Variants in DLGAP2 observed in about 807,000 individuals in gnomAD.
DLGAP2 encodes DLG associated protein 2.
A neutral mutation model predicts 100.3 loss-of-function variants in DLGAP2; 26 were observed. That is an observed-to-expected ratio of 0.26 (90% CI 0.19 to 0.36). DLGAP2 has a LOEUF of 0.36. Ranked by LOEUF, DLGAP2 falls within the 10% of genes least tolerant of loss-of-function variation. DLGAP2 has a pLI of 1.00. For synonymous variants in DLGAP2, 886 were observed against 630.1 expected (o/e 1.41, Z -6.08); for missense variants, 1,858 against 1,453.2 (o/e 1.28, Z -4.53).
intron 2 of DLGAP2, among the ~76,000 whole-genome samples, chr8:1,018,102 C>T (rs984518261): frequency 6.6e-6 from 1 of 150,900 alleles, no homozygotes; most frequent in African/African-American, 2.4e-5. Context: ...CCAAGACTCT[C>T]ACATGACCCC....
At chr8:1,578,200 A>G (rs998432995) in intron 6 of DLGAP2, among the ~76,000 whole-genome samples, 1 of 152,236 alleles carries the variant, frequency 6.6e-6, no homozygotes, top group Admixed American at 6.5e-5. Context: ...TAAAAATGAT[A>G]ATGAATGTTT....
At chr8:1,302,635 C>G (rs573078268) in intron 3 of DLGAP2, 3 of 152,442 alleles carry the variant, frequency 2.0e-5, no homozygotes, top group African/African-American at 7.2e-5. Flanking sequence ...TGCTCCATAC[C>G]CGGGACTGGA....
chr8:1,083,991 C>T (rs576934620), intron 2 of DLGAP2, among the ~76,000 whole-genome samples: 1 of 152,248 alleles, frequency 6.6e-6, no homozygotes, highest in African/African-American at 2.4e-5. Flanking sequence ...AGATAGGACC[C>T]TGTGATTGTA....
chr8:1,514,444 T>G (rs79529852), intron 4 of DLGAP2, among the ~76,000 whole-genome samples: 1,536 of 152,344 alleles, frequency 0.01, 24 homozygotes, highest in African/African-American at 0.034. Context: ...TGTATAAAAT[T>G]CAGCTACTGT....
chr8:1,688,977 G>A (rs114483437), intron 12 of DLGAP2, among the ~76,000 whole-genome samples: 35 of 152,250 alleles, frequency 2.3e-4, no homozygotes, highest in East Asian at 5.8e-4. Flanking sequence ...CCCGAAAGTC[G>A]GGCTAAGGAG....
chr8:1,539,362 G>A (rs1051120430), intron 4 of DLGAP2, among the ~76,000 whole-genome samples: 5 of 152,142 alleles, frequency 3.3e-5, no homozygotes, highest in African/African-American at 7.2e-5. Flanking sequence ...TGAGGACTCC[G>A]AAGAGGAAAA....
intron 2 of DLGAP2, among the ~76,000 whole-genome samples, chr8:1,202,680 C>G (rs1797905063): frequency 6.6e-6 from 1 of 152,286 alleles, no homozygotes; most frequent in Admixed American, 6.5e-5. Flanking sequence ...CCAGTCAAGG[C>G]AGCAAGTGGG....
intron 3 of DLGAP2, among the ~76,000 whole-genome samples, chr8:1,491,394 A>G (rs1799382765): frequency 6.6e-6 from 1 of 152,008 alleles, no homozygotes; most frequent in Admixed American, 6.6e-5. Context: ...GCTCCCCCTG[A>G]CCTCGGAGGC....
At chr8:1,108,638 C>T (rs1324563424) in intron 2 of DLGAP2, among the ~76,000 whole-genome samples, 15 of 120,438 alleles carry the variant, frequency 1.2e-4, no homozygotes, top group Non-Finnish European at 2.2e-4. Flanking sequence ...GATGTGTGCA[C>T]GTGCCTATGA....
rs903766375 is a variant in DLGAP2, at chr8:1,668,724, T to G, written c.2160+46T>G. On this transcript the variant is annotated intron_variant, in intron 9 of 14. Coordinates refer to ENST00000637795, the MANE Select transcript of DLGAP2 (RefSeq NM_001346810.2). ...GTCAGGGCCTCGCTCCACTCAGTCC[T>G]GCCAATAGCCTAGAATAAGCCAAAA... The G allele has an allele frequency of 4.1e-6, 6 of 1,460,442 alleles. No homozygotes were observed. The African/African-American group carries it at 7.1e-5, about 17-fold the overall frequency. 90.5% of individuals were successfully genotyped at this position (1,460,442 alleles called of 1,614,324 possible).
chr8:1,482,690 G>A (rs1453180684), intron 3 of DLGAP2, among the ~76,000 whole-genome samples: 6 of 152,154 alleles, frequency 3.9e-5, no homozygotes, highest in Non-Finnish European at 4.4e-5. Context: ...CGGCCGCCCC[G>A]GCCAGCCTCA....
At chr8:833,536 T>G (rs1486891385) in intron 1 of DLGAP2, among the ~76,000 whole-genome samples, 1 of 152,188 alleles carries the variant, frequency 6.6e-6, no homozygotes, top group Non-Finnish European at 1.5e-5. Context: ...TCTCTGATGC[T>G]GCATCTCTGG....
At chr8:1,054,842 A>G (rs1432357071) in intron 2 of DLGAP2, among the ~76,000 whole-genome samples, 1 of 152,246 alleles carries the variant, frequency 6.6e-6, no homozygotes, top group Non-Finnish European at 1.5e-5. Flanking sequence ...ACCATAACTT[A>G]TCTAAAACAT....
At chr8:1,237,447 G>A (rs1395940014) in intron 2 of DLGAP2, among the ~76,000 whole-genome samples, 49 of 141,274 alleles carry the variant, frequency 3.5e-4, no homozygotes, top group African/African-American at 8.2e-4. Flanking sequence ...ACATGGCGCC[G>A]TGTCTAGTTA....
intron 3 of DLGAP2, among the ~76,000 whole-genome samples, chr8:1,361,593 C>T (rs887154146): frequency 6.6e-6 from 1 of 152,222 alleles, no homozygotes; most frequent in Non-Finnish European, 1.5e-5. Context: ...TGTTACTGAG[C>T]TTGATACATT....
At chr8:1,441,876 G>C (rs1377826798) in intron 3 of DLGAP2, among the ~76,000 whole-genome samples, 1 of 151,702 alleles carries the variant, frequency 6.6e-6, no homozygotes, top group Non-Finnish European at 1.5e-5. Context: ...TGCTCCACAG[G>C]GTTGCTGCAC....
chr8:883,731 G>A (rs181642947), intron 1 of DLGAP2, among the ~76,000 whole-genome samples: 2,209 of 151,732 alleles, frequency 0.015, 48 homozygotes, highest in African/African-American at 0.05. Context: ...TTACGTAGGA[G>A]CGCGGGTGCT....
intron 2 of DLGAP2, among the ~76,000 whole-genome samples, chr8:959,335 C>G (rs1584924882): frequency 6.6e-6 from 1 of 152,156 alleles, no homozygotes; most frequent in African/African-American, 2.4e-5. Flanking sequence ...TAATTGATGT[C>G]TGCTCCACTG....
intron 1 of DLGAP2, among the ~76,000 whole-genome samples, chr8:835,679 C>T (rs1173303460): frequency 2.0e-5 from 3 of 152,178 alleles, no homozygotes; most frequent in East Asian, 1.9e-4. Context: ...TACCTGTGAA[C>T]TTGGAATTAA....
Sources: gnomAD v4.1 joint callset for allele counts (sites outside exome capture counted in the v4.1 genomes callset) on GRCh38, gnomAD v4.1.1 for gene constraint, MANE v1.5 for transcripts, NCBI Gene and HGNC (gene_info 2026-07-23, HGNC 2026-07-21) for gene names.